Variants in THSD7B observed in about 807,000 individuals in gnomAD.
THSD7B encodes the protein thrombospondin type 1 domain containing 7B.
Under a neutral mutation model 213.6 loss-of-function variants are expected in THSD7B, and 138 were observed. That is an observed-to-expected ratio of 0.65 (90% CI 0.56 to 0.74). The LOEUF (loss-of-function observed/expected upper bound fraction) is 0.74, where lower values mean the gene tolerates loss of function less well. THSD7B is among the 30% of genes least tolerant of loss of function. The probability of loss-of-function intolerance (pLI) is 0.00; values close to 1 mark genes in which losing one functional copy is unlikely to be tolerated. For missense variants in THSD7B, 1,931 were observed against 1,991.5 expected (o/e 0.97, Z 0.58); for synonymous variants, 742 against 687.0 (o/e 1.08, Z -1.25).
chr2:136,913,316 G>T (rs1684298443), intron 2 of THSD7B, among the ~76,000 whole-genome samples: 2 of 152,188 alleles, frequency 1.3e-5, no homozygotes, highest in South Asian at 4.1e-4. Context: ...AAGACATTCA[G>T]TGTTAAAAGG....
At chr2:137,338,232 A>ACAG (rs1215951785) in intron 12 of THSD7B, among the ~76,000 whole-genome samples, 2 of 152,000 alleles carry the variant, frequency 1.3e-5, no homozygotes, top group African/African-American at 4.8e-5. Flanking sequence ...TGCTCATATT[A>ACAG]CAGCAGGCTC....
intron 1 of THSD7B, among the ~76,000 whole-genome samples, chr2:136,875,371 G>A (rs563288797): frequency 3.3e-5 from 5 of 152,304 alleles, no homozygotes; most frequent in South Asian, 4.1e-4. Flanking sequence ...ACAGTGAGCC[G>A]AGATCGTGCC....
intron 1 of THSD7B, among the ~76,000 whole-genome samples, chr2:136,797,284 A>T (rs966115629): frequency 6.6e-6 from 1 of 151,952 alleles, no homozygotes; most frequent in Non-Finnish European, 1.5e-5. Context: ...CAAGGGAAAG[A>T]TGTAAATAAA....
intron 2 of THSD7B, among the ~76,000 whole-genome samples, chr2:137,047,511 A>C: frequency 6.6e-6 from 1 of 152,230 alleles, no homozygotes; most frequent in East Asian, 1.9e-4. Flanking sequence ...TTATGCCTCC[A>C]GAAACTGCTT....
chr2:136,958,781 T>C (rs1685168367), intron 2 of THSD7B, among the ~76,000 whole-genome samples: 1 of 152,210 alleles, frequency 6.6e-6, no homozygotes, highest in Admixed American at 6.5e-5. Flanking sequence ...ATTAGATCTG[T>C]CCCACCATTG....
At chr2:136,839,426 T>A (rs975008946) in intron 1 of THSD7B, among the ~76,000 whole-genome samples, 6 of 152,200 alleles carry the variant, frequency 3.9e-5, no homozygotes, top group Non-Finnish European at 7.3e-5. Context: ...TTCAACATGG[T>A]TAGTTTTGAT....
intron 12 of THSD7B, among the ~76,000 whole-genome samples, chr2:137,347,614 A>C (rs1377433): frequency 2.0e-5 from 3 of 148,366 alleles, no homozygotes; most frequent in African/African-American, 7.5e-5. Flanking sequence ...TAAGGAAGAG[A>C]TACTGGGCTT....
chr2:137,222,209 T>C (rs1286771111), intron 7 of THSD7B, among the ~76,000 whole-genome samples: 1 of 145,134 alleles, frequency 6.9e-6, no homozygotes, highest in Non-Finnish European at 1.5e-5. Context: ...CCCAATAATA[T>C]AATCAGAAAT....
intron 7 of THSD7B, among the ~76,000 whole-genome samples, chr2:137,218,114 G>T (rs2105041407): frequency 6.6e-6 from 1 of 152,228 alleles, no homozygotes; most frequent in Admixed American, 6.5e-5. Flanking sequence ...AATTATTAAT[G>T]ATATAATTAC....
At chr2:137,401,603 G>A (rs1686363084) in intron 12 of THSD7B, among the ~76,000 whole-genome samples, 1 of 149,788 alleles carries the variant, frequency 6.7e-6, no homozygotes, top group Admixed American at 6.7e-5. Context: ...ATGATTGCAT[G>A]ATCTGTAGCT....
intron 2 of THSD7B, among the ~76,000 whole-genome samples, chr2:137,033,162 G>A (rs1428779107): frequency 3.9e-5 from 6 of 152,156 alleles, no homozygotes; most frequent in African/African-American, 1.4e-4. Context: ...TATTGTATAT[G>A]TGTCTACATG....
At chr2:136,855,017 A>T (rs1346731) in intron 1 of THSD7B, among the ~76,000 whole-genome samples, 115,143 of 152,110 alleles carry the variant, frequency 0.76, 43,826 homozygotes, top group Middle Eastern at 0.85. Context: ...GTCTGCTGTG[A>T]TATGTAAGCA....
chr2:137,340,465 A>C (rs112233576), intron 12 of THSD7B, among the ~76,000 whole-genome samples: 5,207 of 152,008 alleles, frequency 0.034, 123 homozygotes, highest in Middle Eastern at 0.085. Context: ...GTAAGAACAT[A>C]GTATTTGAAA....
intron 1 of THSD7B, among the ~76,000 whole-genome samples, chr2:136,837,515 C>A (rs1682863542): frequency 6.6e-6 from 1 of 152,214 alleles, no homozygotes; most frequent in Non-Finnish European, 1.5e-5. Flanking sequence ...AGTGACTGCT[C>A]TGTCTAAAAT....
At position 137,422,942 on chromosome 2, in the gene THSD7B, G is replaced by T. The variant is rs1231858647; in HGVS notation, c.2959+11070G>T. 1.3e-5 allele frequency among the ~76,000 whole-genome samples: 2 copies of T among 152,124 alleles called. 1 individual carries two copies. The highest frequency in any genetic ancestry group is 6.3e-3 in the Middle Eastern group (2 of 316). On this transcript the variant is annotated intron_variant, in intron 14 of 27. Transcript: ENST00000409968. ...TGGATTTGATAGGAAAACCTTTCTA[G>T]AGAAGGCATTGTATGTTTTGACCCT... is the stretch of plus-strand genomic sequence containing the variant.
intron 2 of THSD7B, among the ~76,000 whole-genome samples, chr2:136,897,959 G>C (rs1361157328): frequency 6.6e-6 from 1 of 152,106 alleles, no homozygotes; most frequent in African/African-American, 2.4e-5. Context: ...CGTTTTTACA[G>C]AGTGCTGATT....
chr2:137,447,393 T>C (rs901519843), intron 14 of THSD7B, among the ~76,000 whole-genome samples: 9 of 152,184 alleles, frequency 5.9e-5, no homozygotes, highest in African/African-American at 2.2e-4. Flanking sequence ...TTTGCATATG[T>C]GAAGTATGCA....
At chr2:137,058,781 G>A (rs1687216331) in intron 3 of THSD7B, among the ~76,000 whole-genome samples, 1 of 152,138 alleles carries the variant, frequency 6.6e-6, no homozygotes, top group South Asian at 2.1e-4. Flanking sequence ...AGTGCGCCAT[G>A]AGAGCTTCCT....
intron 16 of THSD7B, among the ~76,000 whole-genome samples, chr2:137,571,878 A>G (rs888292860): frequency 6.6e-6 from 1 of 152,110 alleles, no homozygotes; most frequent in African/African-American, 2.4e-5. Context: ...AAGAATACCT[A>G]TTCAGATATT....
Sources: allele counts gnomAD v4.1 joint callset (sites outside exome capture counted in the v4.1 genomes callset), GRCh38; gene constraint gnomAD v4.1.1; transcripts MANE v1.5; gene names NCBI Gene and HGNC (gene_info 2026-07-23, HGNC 2026-07-21).